CDK6: variants seen among roughly 807,000 people sequenced by gnomAD.
CDK6 encodes the protein cyclin dependent kinase 6.
In CDK6, 6 loss-of-function variants were observed where a neutral mutation model predicts 37.1. The ratio of observed to expected loss-of-function variants is 0.16; its 90% CI spans 0.09 to 0.32. The LOEUF (loss-of-function observed/expected upper bound fraction) is 0.32. Among genes scored for constraint, CDK6 ranks in the 10% least tolerant of loss-of-function variants. The probability of loss-of-function intolerance (pLI) is 1.00; values close to 1 mark genes in which losing one functional copy is unlikely to be tolerated. For missense variants in CDK6, 224 were observed against 418.9 expected, an observed-to-expected ratio of 0.53 and a Z score of 4.06; for synonymous variants, 160 against 161.3, an observed-to-expected ratio of 0.99 and a Z score of 0.06.
chr7:92,645,381 A>T (rs1410654757), intron 5 of CDK6, among the ~76,000 whole-genome samples: 1 of 152,242 alleles, frequency 6.6e-6, no homozygotes, highest in African/African-American at 2.4e-5. Flanking sequence ...TTGTGTTGCC[A>T]GCATTTCCAT....
intron 5 of CDK6, among the ~76,000 whole-genome samples, chr7:92,637,470 A>C (rs886207269): frequency 1.7e-4 from 26 of 152,326 alleles, no homozygotes; most frequent in African/African-American, 6.0e-4. Flanking sequence ...GGAAATATGT[A>C]AGAGAATTTC....
intron 2 of CDK6, among the ~76,000 whole-genome samples, chr7:92,785,044 C>T (rs990000400): frequency 6.6e-6 from 1 of 152,100 alleles, no homozygotes; most frequent in African/African-American, 2.4e-5. Context: ...AAGAAATAGA[C>T]ACAAATGTTC....
intron 3 of CDK6, among the ~76,000 whole-genome samples, chr7:92,755,837 AG>A (rs1208495203): frequency 6.6e-6 from 1 of 152,202 alleles, no homozygotes; most frequent in Non-Finnish European, 1.5e-5. Flanking sequence ...GGGAGCCAAC[AG>A]GGTATCTCTT....
At position 92,740,982 on chromosome 7, in the gene CDK6, C is replaced by G. The variant is rs377397881; in HGVS notation, c.370-15189G>C. 9.2e-5 allele frequency among the ~76,000 whole-genome samples: 14 copies of G among 152,266 alleles called. 1 individual carries two copies. The highest frequency in any genetic ancestry group is 3.4e-4 in the African/African-American group (14 of 41,536). ...ATGCTACAACCTTGTAATTCAACTT[C>G]TAGGAATTCAGGCTACAAAACCAAC... On this transcript the variant is annotated intron_variant, in intron 3 of 7. Transcript: ENST00000424848.
intron 4 of CDK6, among the ~76,000 whole-genome samples, chr7:92,688,972 A>T (rs1797535471): frequency 6.6e-6 from 1 of 152,170 alleles, no homozygotes; most frequent in Non-Finnish European, 1.5e-5. Context: ...GCTGAAGGAC[A>T]ATAATCAGTG....
intron 5 of CDK6, among the ~76,000 whole-genome samples, chr7:92,626,862 T>C (rs543447748): frequency 6.6e-6 from 1 of 152,144 alleles, no homozygotes; most frequent in Admixed American, 6.6e-5. Context: ...GGTAACTGAT[T>C]TAGTTTTAAA....
At chr7:92,790,294 T>G (rs1202859777) in intron 2 of CDK6, among the ~76,000 whole-genome samples, 3 of 152,092 alleles carry the variant, frequency 2.0e-5, no homozygotes, top group Non-Finnish European at 2.9e-5. Flanking sequence ...CACCTAAATA[T>G]TTTTCCATCC....
At chr7:92,672,190 TACACACACACACACACACAC>T (rs71107866) in intron 4 of CDK6, among the ~76,000 whole-genome samples, 8 of 62,788 alleles carry the variant, frequency 1.3e-4, no homozygotes, top group Admixed American at 2.1e-4. Context: ...CACAGACACA[TACACACACACACACACACAC>T]ACACACACAC....
At chr7:92,808,287 T>C (rs76967624) in intron 2 of CDK6, among the ~76,000 whole-genome samples, 2,702 of 152,318 alleles carry the variant, frequency 0.018, 79 homozygotes, top group African/African-American at 0.061. Flanking sequence ...GTCTGAAGCA[T>C]ATGCTCCCAA....
chr7:92,647,858 C>A (rs546210892), intron 5 of CDK6, among the ~76,000 whole-genome samples: 1 of 152,106 alleles, frequency 6.6e-6, no homozygotes, highest in Non-Finnish European at 1.5e-5. Flanking sequence ...TCTGCATGGG[C>A]CCTTTGTATT....
intron 5 of CDK6, among the ~76,000 whole-genome samples, chr7:92,630,518 G>A (rs1585349759): frequency 6.6e-6 from 1 of 152,214 alleles, no homozygotes; most frequent in Admixed American, 6.5e-5. Flanking sequence ...TTTAGAACCA[G>A]GAAAATAAAT....
rs1215776886 is a variant in CDK6, at chr7:92,725,811, A to C, written c.370-18T>G. On this transcript the variant is annotated intron_variant, in intron 3 of 7. Transcript: ENST00000424848. ...ATCATATCCTAATAAAATTAAAAAA[A>C]GAAAATCAGTAAACACTCAAAACGG... 6.2e-7 allele frequency: 1 copy of C among 1,601,616 alleles called. No homozygotes were observed. Among genetic ancestry groups the C allele is most frequent in the Non-Finnish European group, 8.5e-7 (1 of 1,173,388 alleles).
intron 5 of CDK6, among the ~76,000 whole-genome samples, chr7:92,653,732 A>G (rs1237746539): frequency 1.3e-5 from 2 of 152,126 alleles, no homozygotes; most frequent in African/African-American, 4.8e-5. Context: ...TGTTTCTTTA[A>G]TTATGGCTTT....
chr7:92,686,638 G>A (rs1358318701), intron 4 of CDK6, among the ~76,000 whole-genome samples: 2 of 152,084 alleles, frequency 1.3e-5, no homozygotes, highest in Admixed American at 6.6e-5. Flanking sequence ...CCTTTGGGTA[G>A]ATACCCAGGA....
intron 3 of CDK6, among the ~76,000 whole-genome samples, chr7:92,772,001 CAA>C (rs1799728254): frequency 1.3e-5 from 2 of 152,104 alleles, no homozygotes; most frequent in Admixed American, 1.3e-4. Flanking sequence ...ATCACAGAAA[CAA>C]AAGATACGAG....
chr7:92,748,328 C>A (rs919368764), intron 3 of CDK6, among the ~76,000 whole-genome samples: 2 of 152,242 alleles, frequency 1.3e-5, no homozygotes, highest in Admixed American at 1.3e-4. Flanking sequence ...CCAAGTAGAT[C>A]AAGTCATTTT....
chr7:92,753,364 G>C (rs1253692297), intron 3 of CDK6, among the ~76,000 whole-genome samples: 1 of 151,996 alleles, frequency 6.6e-6, no homozygotes. Context: ...ATTTTCCTTT[G>C]TGATCTAACA....
At chr7:92,702,352 C>T (rs1797871113) in intron 4 of CDK6, among the ~76,000 whole-genome samples, 1 of 144,128 alleles carries the variant, frequency 6.9e-6, no homozygotes, top group Non-Finnish European at 1.5e-5. Context: ...CCTGTCTTAG[C>T]CTCCCGAGTA....
chr7:92,678,052 A>G (rs3802080), intron 4 of CDK6, among the ~76,000 whole-genome samples: 2 of 152,384 alleles, frequency 1.3e-5, no homozygotes, highest in East Asian at 3.9e-4. Context: ...AGCTTTATAA[A>G]GAATGAATAA....
Sources: allele counts gnomAD v4.1 joint callset (sites outside exome capture counted in the v4.1 genomes callset), GRCh38; gene constraint gnomAD v4.1.1; transcripts MANE v1.5; gene names NCBI Gene and HGNC (gene_info 2026-07-23, HGNC 2026-07-21).